The following TECPR2 variants were observed in gnomAD, a reference collection of about 807,000 sequenced individuals.
TECPR2 encodes the protein tectonin beta-propeller repeat containing 2, also known as tectonin beta-propeller repeat-containing protein 2.
TECPR2 carries 65 observed loss-of-function variants against 138.1 expected under a neutral mutation model. That is an observed-to-expected ratio of 0.47 (90% CI 0.39 to 0.58). TECPR2 has a LOEUF of 0.58. Ranked by LOEUF, TECPR2 falls within the 20% of genes least tolerant of loss-of-function variation. The pLI, the probability that TECPR2 is intolerant of heterozygous loss-of-function variation, is 0.00. For missense variants in TECPR2, 1,553 were observed against 1,824.5 expected (o/e 0.85, Z 2.71); for synonymous variants, 746 against 749.8 (o/e 0.99, Z 0.08).
rs186753430 is a variant in TECPR2 at position 102,490,167 on chromosome 14, C to T, written c.3790-6812C>T. On this transcript the variant is annotated intron_variant, in intron 17 of 19. Transcript: ENST00000359520. The stretch of plus-strand genomic sequence containing the variant: ...ACCTTCCTTGGTCACTGTGAGCAAA[C>T]AGTGGAATTCCCTGCTCCCAAGATC... 2.4e-4 allele frequency among the ~76,000 whole-genome samples: 36 copies of T among 152,296 alleles called. No individual in the cohort carries two copies. In the East Asian group the frequency reaches 6.9e-3, roughly 29 times the overall value.
At chr14:102,381,488 C>T (rs978645426) in intron 2 of TECPR2, among the ~76,000 whole-genome samples, 3 of 152,172 alleles carry the variant, frequency 2.0e-5, no homozygotes, top group Non-Finnish European at 4.4e-5. Context: ...GCATGAGAAT[C>T]GCTTGAATCT....
At chr14:102,377,187 G>A (rs540087976) in intron 2 of TECPR2, among the ~76,000 whole-genome samples, 18 of 152,138 alleles carry the variant, frequency 1.2e-4, no homozygotes, top group Admixed American at 9.8e-4. Context: ...ACAGCGTCTC[G>A]CTCTGTTGTC....
In TECPR2 at chr14:102,497,736, A is replaced by G. The variant is rs768809553; in HGVS notation, c.4081+17A>G. On this transcript the variant is annotated intron_variant, in intron 19 of 19. Transcript: ENST00000359520. The stretch of plus-strand genomic sequence containing the variant: ...GTTTCACAGGCAGGTGCCCGGGGCC[A>G]GTGGGCTTAAGGCCCCTTGGGGTTC... 9 of 1,591,644 alleles carry G rather than the reference A, an allele frequency of 5.7e-6. No individual in the cohort carries two copies. In the South Asian group the frequency reaches 9.0e-5, roughly 16 times the overall value.
rs1567367310 is a variant in TECPR2, at chr14:102,498,975, A to C, written c.*718A>C. The C allele has an allele frequency of 5.7e-6, 4 of 696,164 alleles. No homozygotes were observed. In the South Asian group the frequency reaches 6.0e-5, roughly 10 times the overall value. The allele number at this position is 696,164 out of a possible 1,614,324, so 43.1% of individuals were successfully genotyped here. A position where few individuals can be genotyped will look rare whatever the true frequency, so the allele number is the denominator to read the frequency against. On this transcript the variant is annotated 3_prime_UTR_variant, in exon 20 of 20. Coordinates refer to ENST00000359520, the MANE Select transcript of TECPR2 (RefSeq NM_014844.5). ...CACAGCACACCTCACCACACAACAC[A>C]CCACACCCCACACCGCACTGCACCG...
intron 12 of TECPR2, among the ~76,000 whole-genome samples, 154 bp from the exon 13 acceptor site, chr14:102,445,652 C>A (rs2273909): frequency 6.6e-6 from 1 of 152,006 alleles, no homozygotes; most frequent in Non-Finnish European, 1.5e-5. Flanking sequence ...TAACTCAGAC[C>A]CAAACTTCCT....
chr14:102,465,725 G>A (rs533564706), intron 17 of TECPR2: 70 of 910,344 alleles, frequency 7.7e-5, no homozygotes, highest in African/African-American at 5.2e-4. Flanking sequence ...AAGAAATTCC[G>A]TTTCCTGTCC....
intron 13 of TECPR2, among the ~76,000 whole-genome samples, chr14:102,449,371 TA>T (rs1238905809): frequency 1.4e-4 from 21 of 152,384 alleles, no homozygotes; most frequent in Non-Finnish European, 2.1e-4. Context: ...TAAAAGTATA[TA>T]AAATGTGAAT....
chr14:102,387,974 T>A (rs899944596), intron 2 of TECPR2, among the ~76,000 whole-genome samples: 1 of 152,232 alleles, frequency 6.6e-6, no homozygotes, highest in Non-Finnish European at 1.5e-5. Flanking sequence ...GCCTGAAACA[T>A]GTCTTGGATA....
intron 1 of TECPR2, among the ~76,000 whole-genome samples, chr14:102,364,222 C>CTGTA (rs1386234013): frequency 6.6e-6 from 1 of 152,220 alleles, no homozygotes; most frequent in South Asian, 2.1e-4. Context: ...AATGAAGCCA[C>CTGTA]TGTAGCTCCT....
At chr14:102,456,212 G>T (rs1792463025) in intron 16 of TECPR2, among the ~76,000 whole-genome samples, 1 of 152,200 alleles carries the variant, frequency 6.6e-6, no homozygotes, top group Non-Finnish European at 1.5e-5. Context: ...GTCTTTGTTA[G>T]CTGCTGGTGG....
At chr14:102,408,339 A>AAC (rs768145253) in intron 3 of TECPR2, 149 bp from the exon 4 acceptor site, 3 of 804,076 alleles carry the variant, frequency 3.7e-6, no homozygotes, top group Non-Finnish European at 5.6e-6. Context: ...AGACAGATGG[A>AAC]ACTTTGTGCA....
At chr14:102,471,911 A>G (rs1482313080) in intron 17 of TECPR2, among the ~76,000 whole-genome samples, 2 of 151,986 alleles carry the variant, frequency 1.3e-5, no homozygotes. Context: ...GCTTTGCTTG[A>G]TAGTGATATT....
At chr14:102,493,262 G>A (rs998459084) in intron 17 of TECPR2, among the ~76,000 whole-genome samples, 7 of 152,236 alleles carry the variant, frequency 4.6e-5, no homozygotes, top group Non-Finnish European at 5.9e-5. Flanking sequence ...GCTCCACCAC[G>A]TCGGGGCCCT....
rs1402990465 is a variant in TECPR2, at chr14:102,432,145, G to A, written c.1417+17G>A. 1.3e-6 allele frequency: 2 copies of A among 1,514,284 alleles called. No individual in the cohort carries two copies. Among genetic ancestry groups the A allele is most frequent in the Non-Finnish European group, 1.8e-6 (2 of 1,127,904 alleles). 93.8% of individuals were successfully genotyped at this position (1,514,284 alleles called of 1,614,324 possible). ...AGAAGACAGGTACCCTCTGTAGCTGGCACACACCCATCTGGGGTTACAGTC... is the reference window on the plus strand; with the variant it reads ...AGAAGACAGGTACCCTCTGTAGCTGACACACACCCATCTGGGGTTACAGTC... On this transcript the variant is annotated intron_variant, in intron 8 of 19. Transcript: ENST00000359520.
At position 102,498,923 on chromosome 14, in the gene TECPR2, A is replaced by G. The variant is rs779105289; in HGVS notation, c.*666A>G. On this transcript the variant is annotated 3_prime_UTR_variant, in exon 20 of 20. Transcript: ENST00000359520. ...ACCTCACCACACCACACCGCACTGC[A>G]CCATACCTCACCACATCTCACCACA... The G allele has an allele frequency of 2.9e-6, 2 of 688,578 alleles. No homozygotes were observed. The highest frequency in any genetic ancestry group is 3.0e-5 in the South Asian group (2 of 66,570). The allele number at this position is 688,578 out of a possible 1,614,324, so 42.7% of individuals were successfully genotyped here.
At chr14:102,386,345 C>T (rs1241792762) in intron 2 of TECPR2, among the ~76,000 whole-genome samples, 5 of 152,076 alleles carry the variant, frequency 3.3e-5, no homozygotes, top group African/African-American at 1.2e-4. Flanking sequence ...TGGCGGGCAC[C>T]TGTAATCCCA....
At chr14:102,440,699 C>G in intron 11 of TECPR2, 90 bp downstream of exon 11, 2 of 1,449,014 alleles carry the variant, frequency 1.4e-6, no homozygotes, top group Non-Finnish European at 1.9e-6. Context: ...TTACCACAAT[C>G]GCTATGATTA....
At chr14:102,378,095 T>C (rs1887689491) in intron 2 of TECPR2, among the ~76,000 whole-genome samples, 1 of 152,344 alleles carries the variant, frequency 6.6e-6, no homozygotes, top group African/African-American at 2.4e-5. Context: ...TCAATATCTG[T>C]AGTTTATTGA....
chr14:102,452,379 G>T lies in TECPR2; in HGVS notation c.3407-15G>T. The T allele has an allele frequency of 1.9e-6, 3 of 1,599,052 alleles. No homozygotes were observed. Among genetic ancestry groups the T allele is most frequent in the Non-Finnish European group, 2.6e-6 (3 of 1,167,836 alleles). On this transcript the variant is annotated splice_polypyrimidine_tract_variant and intron_variant, in intron 15 of 19. Transcript: ENST00000359520. ...CAGACAACACCTCGATGACAAACAT[G>T]ACCCCTTTCTGCAGGAAGCTTCCTG...
Sources: allele counts gnomAD v4.1 joint callset (sites outside exome capture counted in the v4.1 genomes callset), GRCh38; gene constraint gnomAD v4.1.1; transcripts MANE v1.5; gene names NCBI Gene and HGNC (gene_info 2026-07-23, HGNC 2026-07-21).